The following SERPINA9 variants were observed in gnomAD, a reference collection of about 807,000 sequenced individuals.
SERPINA9 encodes serpin A9.
SERPINA9 carries 32 observed loss-of-function variants against 24.5 expected under a neutral mutation model. That is an observed-to-expected ratio of 1.30 (90% CI 0.98 to 1.75). The LOEUF (loss-of-function observed/expected upper bound fraction) is 1.75. Ranked by LOEUF, SERPINA9 falls within the 40% of genes most tolerant of loss-of-function variation. The probability of loss-of-function intolerance (pLI) is 0.00; values close to 1 mark genes in which losing one functional copy is unlikely to be tolerated. For missense variants in SERPINA9, 594 were observed against 497.1 expected, an observed-to-expected ratio of 1.19 and a Z score of -1.85; for synonymous variants, 233 against 197.7, an observed-to-expected ratio of 1.18 and a Z score of -1.50.
chr14:94,475,266 C>G (rs1899533342), intron 1 of SERPINA9, among the ~76,000 whole-genome samples: 1 of 152,148 alleles, frequency 6.6e-6, no homozygotes, highest in African/African-American at 2.4e-5. Context: ...AACCACCAGC[C>G]TTTATCCACC....
At chr14:94,470,149 C>T in intron 1 of SERPINA9, 4 of 1,129,100 alleles carry the variant, frequency 3.5e-6, no homozygotes, top group Non-Finnish European at 4.3e-6. Context: ...GTCTCAAATT[C>T]CAAATCCCAT....
chr14:94,472,751 G>A (rs747303704), intron 1 of SERPINA9, among the ~76,000 whole-genome samples: 1 of 152,198 alleles, frequency 6.6e-6, no homozygotes, highest in East Asian at 1.9e-4. Context: ...TAACAAGAAA[G>A]GCTTCCAGTG....
intron 1 of SERPINA9, among the ~76,000 whole-genome samples, chr14:94,474,891 T>A (rs1222421886): frequency 2.0e-5 from 3 of 152,052 alleles, no homozygotes; most frequent in Non-Finnish European, 4.4e-5. Flanking sequence ...ATCTGGTGTA[T>A]CACTCACCTC....
At chr14:94,467,456 G>A (rs1412847777) in intron 2 of SERPINA9, 74 bp from the exon 3 acceptor site, 1 of 1,369,970 alleles carries the variant, frequency 7.3e-7, no homozygotes, top group African/African-American at 1.4e-5. Context: ...ACTGAAATGG[G>A]GAATTACTTC....
rs769853788 is a variant in SERPINA9, at chr14:94,463,307, A to T, written c.1051-11T>A. 6.2e-7 allele frequency: 1 copy of T among 1,613,070 alleles called. No homozygotes were observed. The highest frequency in any genetic ancestry group is 2.2e-5 in the East Asian group (1 of 44,880). On this transcript the variant is annotated splice_polypyrimidine_tract_variant and intron_variant, in intron 4 of 4. Coordinates refer to ENST00000674397, the MANE Select transcript of SERPINA9 (RefSeq NM_175739.4). ...AGCCTTGTGGGTTGCCTGCCAAGGG[A>T]AAAACAAACATCAGTGGCCCTAGTG...
In SERPINA9 at chr14:94,470,031, T is replaced by A. The variant is rs1023214885; in HGVS notation, c.-17-174A>T. Reference sequence around the variant, plus strand: ...AATATTCCCATGATGTAGATCTTATTATTGCTGTTTTACTTGCAAATGAGT... The same window carrying A: ...AATATTCCCATGATGTAGATCTTATAATTGCTGTTTTACTTGCAAATGAGT... On this transcript the variant is annotated intron_variant, in intron 1 of 4. Transcript: ENST00000674397. The A allele has an allele frequency of 4.7e-6, 3 of 632,960 alleles. No homozygotes were observed. In the African/African-American group the frequency reaches 5.5e-5, roughly 12 times the overall value. The allele number at this position is 632,960 out of a possible 1,614,324, so 39.2% of individuals were successfully genotyped here.
chr14:94,475,177 C>A (rs546241329), intron 1 of SERPINA9, among the ~76,000 whole-genome samples: 1 of 152,316 alleles, frequency 6.6e-6, no homozygotes, highest in South Asian at 2.1e-4. Context: ...TGTGGTAGAA[C>A]CTACCTGTCT....
At chr14:94,472,148 C>T (rs1188893003) in intron 1 of SERPINA9, among the ~76,000 whole-genome samples, 1 of 152,106 alleles carries the variant, frequency 6.6e-6, no homozygotes, top group Non-Finnish European at 1.5e-5. Flanking sequence ...ACTGCTTCCC[C>T]TCTCTTCGGC....
intron 1 of SERPINA9, among the ~76,000 whole-genome samples, chr14:94,475,558 T>C (rs1899567563): frequency 1.3e-5 from 2 of 152,056 alleles, no homozygotes; most frequent in East Asian, 1.9e-4. Flanking sequence ...TCTCTGCCTA[T>C]CCCTACTTTC....
rs1427341519 is a variant in SERPINA9, at chr14:94,467,288, G to C, written c.723C>G (p.His241Gln). The change falls in exon 3 of 5, where the codon CAC (histidine) becomes CAG (glutamine). Residue 241 changes from histidine to glutamine, a missense_variant. Transcript: ENST00000674397. Reference sequence around the variant, plus strand: ...CCCCAAAAGCGAACTGCTCTTTCTGGTGCATCATGGGGACATGCACAGTGA... The same window carrying C: ...CCCCAAAAGCGAACTGCTCTTTCTGCTGCATCATGGGGACATGCACAGTGA... ...EQVTVHVPMM[H>Q]QKEQFAFGVD... The C allele has an allele frequency of 1.9e-6, 3 of 1,614,106 alleles. No homozygotes were observed. The highest frequency in any genetic ancestry group is 1.7e-6 in the Non-Finnish European group (2 of 1,179,980).
chr14:94,469,572 G>A lies in SERPINA9; in HGVS notation c.269C>T (p.Thr90Ile), dbSNP rs1034288024. ...AMLSLGAHSV[T>I]KTQILQGLGF... ...CAGGCCCTGGAGAATCTGGGTCTTG[G>A]TGACTGAGTGGGCCCCAAGGGAGAG... The change falls in exon 2 of 5, where the codon ACC (threonine) becomes ATC (isoleucine). Residue 90 changes from threonine to isoleucine, a missense_variant. Physicochemically the swap from Thr to Ile is moderately conservative, Grantham distance 89. Transcript: ENST00000674397. 3.1e-6 allele frequency: 5 copies of A among 1,614,056 alleles called. No individual in the cohort carries two copies. Among genetic ancestry groups the A allele is most frequent in the African/African-American group, 2.7e-5 (2 of 74,912 alleles).
At position 94,463,339 on chromosome 14, in the gene SERPINA9, C is replaced by A. The variant is rs149732440; in HGVS notation, c.1051-43G>T. 95 of 1,563,644 alleles carry A rather than the reference C, an allele frequency of 6.1e-5. 2 individuals carry two copies. In the South Asian group the frequency reaches 1.0e-3, roughly 17 times the overall value. The stretch of plus-strand genomic sequence containing the variant: ...AACATCAGTGGCCCTAGTGGAGACA[C>A]TTTTACTTAACTGAGTAAACTAAAC... On this transcript the variant is annotated intron_variant, in intron 4 of 4. Transcript: ENST00000674397.
In SERPINA9 at chr14:94,473,412, C is replaced by T. The variant is rs546460812; in HGVS notation, c.-18+2724G>A. 9.9e-5 allele frequency among the ~76,000 whole-genome samples: 15 copies of T among 151,128 alleles called. 1 individual carries two copies. In the South Asian group the frequency reaches 2.1e-3, roughly 21 times the overall value. On this transcript the variant is annotated intron_variant, in intron 1 of 4. Transcript: ENST00000674397. ...CGGGCACCTCTAGTCCCAGCTACTCCGGAGGCTGAGACAGGAGAATCACTT... is the reference window on the plus strand; with the variant it reads ...CGGGCACCTCTAGTCCCAGCTACTCTGGAGGCTGAGACAGGAGAATCACTT...
In SERPINA9 at chr14:94,469,657, C is replaced by A; in HGVS notation, c.184G>T (p.Glu62Ter). Residue 62 changes from glutamate (E) to a stop codon, truncating the protein, a stop_gained, in exon 2 of 5, where the codon GAG becomes TAG. Transcript: ENST00000674397. LOFTEE classifies it high-confidence loss of function. ...AFRLYRRLVL[E>*]TPSQNIFFSP... ...AAGAAGATGTTCTGACTCGGGGTCT[C>A]CAAAACCAGCCTGCGGTATAGGCGG... 2.5e-6 allele frequency: 4 copies of A among 1,613,948 alleles called. No homozygotes were observed. The highest frequency in any genetic ancestry group is 3.4e-6 in the Non-Finnish European group (4 of 1,179,988).
intron 2 of SERPINA9, among the ~76,000 whole-genome samples, chr14:94,468,297 G>C (rs2139807450): frequency 6.6e-6 from 1 of 152,312 alleles, no homozygotes; most frequent in South Asian, 2.1e-4. Context: ...TAGATGGCTG[G>C]CTGGTTGGTT....
chr14:94,466,509 G>C (rs1899011788), intron 3 of SERPINA9, among the ~76,000 whole-genome samples: 1 of 152,172 alleles, frequency 6.6e-6, no homozygotes, highest in Non-Finnish European at 1.5e-5. Flanking sequence ...ATATTGCTAA[G>C]AGACAGAACA....
chr14:94,471,234 A>G (rs572291705), intron 1 of SERPINA9, among the ~76,000 whole-genome samples: 1 of 152,270 alleles, frequency 6.6e-6, no homozygotes, highest in South Asian at 2.1e-4. Context: ...GAGCACCGGC[A>G]TGAAGTGTTA....
At chr14:94,475,393 G>C (rs1328798272) in intron 1 of SERPINA9, among the ~76,000 whole-genome samples, 2 of 151,710 alleles carry the variant, frequency 1.3e-5, no homozygotes, top group Admixed American at 6.6e-5. Context: ...CTACATGTGT[G>C]CTACATATGC....
chr14:94,462,826 G>C lies in SERPINA9; in HGVS notation c.*267C>G. 2.3e-6 allele frequency: 1 copy of C among 442,518 alleles called. No homozygotes were observed. Among genetic ancestry groups the C allele is most frequent in the South Asian group, 2.4e-5 (1 of 41,122 alleles). The allele number at this position is 442,518 out of a possible 1,614,324, so 27.4% of individuals were successfully genotyped here. Reference sequence around the variant, plus strand: ...TATTTCCATTCCTGGGAGCCCCAAGGAATGGAAATATGGTAACCCAGCAAC... The same window carrying C: ...TATTTCCATTCCTGGGAGCCCCAAGCAATGGAAATATGGTAACCCAGCAAC... On this transcript the variant is annotated 3_prime_UTR_variant, in exon 5 of 5. Transcript: ENST00000674397.
Sources: allele counts gnomAD v4.1 joint callset (sites outside exome capture counted in the v4.1 genomes callset), GRCh38; gene constraint gnomAD v4.1.1; transcripts MANE v1.5; gene names NCBI Gene and HGNC (gene_info 2026-07-23, HGNC 2026-07-21).